Variants in SLC22A8 observed in about 807,000 individuals in gnomAD.
SLC22A8 encodes the protein organic anion transporter 3.
SLC22A8 carries 40 observed loss-of-function variants against 48.4 expected under a neutral mutation model. The ratio of observed to expected loss-of-function variants is 0.83; its 90% CI spans 0.64 to 1.08. The LOEUF is 1.08. Among genes scored for constraint, SLC22A8 ranks in the 50% least tolerant of loss-of-function variants. The pLI is 0.00. For synonymous variants in SLC22A8, 268 were observed against 286.3 expected (o/e 0.94, Z 0.65); for missense variants, 606 against 699.0 (o/e 0.87, Z 1.50).
chr11:63,010,918 G>T (rs983957954), intron 2 of SLC22A8, among the ~76,000 whole-genome samples: 3 of 152,170 alleles, frequency 2.0e-5, no homozygotes, highest in Non-Finnish European at 2.9e-5. Context: ...AGCAGTGAGC[G>T]GTGTCTACAT....
chr11:63,002,739 T>C (rs1218836417), intron 2 of SLC22A8, among the ~76,000 whole-genome samples: 1 of 152,362 alleles, frequency 6.6e-6, no homozygotes, highest in Non-Finnish European at 1.5e-5. Flanking sequence ...TTTCCAATAC[T>C]ACTGCCTTAG....
At chr11:63,008,765 A>G (rs1392071549) in intron 2 of SLC22A8, among the ~76,000 whole-genome samples, 1 of 152,212 alleles carries the variant, frequency 6.6e-6, no homozygotes, top group Admixed American at 6.5e-5. Context: ...TTCTGTAGTC[A>G]GGACCTCCCA....
chr11:63,014,271 G>A (rs1360455398), intron 2 of SLC22A8, among the ~76,000 whole-genome samples: 1 of 152,148 alleles, frequency 6.6e-6, no homozygotes, highest in African/African-American at 2.4e-5. Flanking sequence ...CTTTGAAGTT[G>A]CAATTTTACA....
chr11:63,010,925 A>G (rs11231302), intron 2 of SLC22A8, among the ~76,000 whole-genome samples: 10,640 of 152,228 alleles, frequency 0.07, 570 homozygotes, highest in African/African-American at 0.15. Flanking sequence ...AGCGGTGTCT[A>G]CATCCCTCCC....
intron 2 of SLC22A8, among the ~76,000 whole-genome samples, chr11:63,012,702 A>G (rs1240468961): frequency 6.6e-6 from 1 of 152,154 alleles, no homozygotes; most frequent in Non-Finnish European, 1.5e-5. Flanking sequence ...GTAGTAAACA[A>G]AGCAGCAGAA....
chr11:62,993,037 G>A lies in SLC22A8; in HGVS notation c.*200C>T, dbSNP rs917908315. 1.7e-6 allele frequency: 1 copy of A among 587,514 alleles called. No individual in the cohort carries two copies. Among genetic ancestry groups the A allele is most frequent in the Admixed American group, 3.0e-5 (1 of 32,894 alleles). 36.4% of individuals were successfully genotyped at this position (587,514 alleles called of 1,614,324 possible). On this transcript the variant is annotated 3_prime_UTR_variant, in exon 11 of 11. Coordinates refer to ENST00000336232, the MANE Select transcript of SLC22A8 (RefSeq NM_004254.4). ...AATGGCAGGGCCTGGGTTGCAGGGA[G>A]AACAAGGGCAGGGATGGCTGAACCT...
At chr11:62,993,398 T>C (rs2086367436) in intron 10 of SLC22A8, 26 bp downstream of exon 10, 1 of 1,613,468 alleles carries the variant, frequency 6.2e-7, no homozygotes, top group African/African-American at 1.3e-5. Context: ...GGAGGAGCAC[T>C]GATGGGGCCA....
intron 5 of SLC22A8, among the ~76,000 whole-genome samples, chr11:62,997,705 G>A (rs1370601056): frequency 2.0e-5 from 3 of 152,166 alleles, no homozygotes; most frequent in Non-Finnish European, 4.4e-5. Flanking sequence ...CCGAGCTGAG[G>A]TTCCATCCCA....
intron 8 of SLC22A8, chr11:62,994,127 T>A: frequency 3.5e-6 from 2 of 566,184 alleles, no homozygotes; most frequent in Non-Finnish European, 6.3e-6. Context: ...TCAAGTTCTT[T>A]TGGAAGGGTA....
At chr11:62,995,194 T>G in intron 7 of SLC22A8, 1 of 243,124 alleles carries the variant, frequency 4.1e-6, no homozygotes, top group Non-Finnish European at 8.1e-6. Context: ...CTGGACAAAT[T>G]GAATCCTATT....
At position 63,014,595 on chromosome 11, in the gene SLC22A8, A is replaced by G. The variant is rs201292579; in HGVS notation, c.333+31T>C. The G allele has an allele frequency of 1.7e-5, 26 of 1,539,056 alleles. No homozygotes were observed. In the East Asian group the frequency reaches 5.9e-4, roughly 35 times the overall value. ...GTGCAGGGTATGGGGGTACGTGGGT[A>G]AGTGGAGGGAGAGGGTTTGCCCAGG... On this transcript the variant is annotated intron_variant, in intron 2 of 10. Transcript: ENST00000336232.
intron 8 of SLC22A8, 116 bp from the exon 9 acceptor site, chr11:62,993,994 A>C: frequency 1.4e-6 from 1 of 701,586 alleles, no homozygotes; most frequent in South Asian, 1.6e-5. Context: ...TCAGATCCAA[A>C]CTTAAAGCTG....
intron 2 of SLC22A8, among the ~76,000 whole-genome samples, chr11:63,012,599 C>T (rs2135147482): frequency 6.6e-6 from 1 of 152,344 alleles, no homozygotes; most frequent in South Asian, 2.1e-4. Flanking sequence ...TCCCCTGGGC[C>T]TCAGAGCACT....
At chr11:63,007,350 T>A (rs557597316) in intron 2 of SLC22A8, among the ~76,000 whole-genome samples, 3 of 150,260 alleles carry the variant, frequency 2.0e-5, no homozygotes, top group Admixed American at 2.0e-4. Flanking sequence ...GTGTTCCTTT[T>A]TTTCTTACTC....
At chr11:63,001,683 C>T (rs964565940) in intron 2 of SLC22A8, among the ~76,000 whole-genome samples, 32 of 152,316 alleles carry the variant, frequency 2.1e-4, no homozygotes, top group African/African-American at 7.0e-4. Flanking sequence ...CCACTTTCCC[C>T]AGGCGATGCC....
At chr11:62,998,018 C>T (rs940547625) in intron 5 of SLC22A8, among the ~76,000 whole-genome samples, 1 of 152,154 alleles carries the variant, frequency 6.6e-6, no homozygotes, top group Non-Finnish European at 1.5e-5. Flanking sequence ...GTGGCGTGAC[C>T]TTGGCTCCCT....
chr11:63,003,964 T>A (rs1408321754), intron 2 of SLC22A8, among the ~76,000 whole-genome samples: 7 of 152,250 alleles, frequency 4.6e-5, no homozygotes, highest in Non-Finnish European at 5.9e-5. Flanking sequence ...ATTGTTGTTA[T>A]AATAACCTAG....
rs143045566 is a variant in SLC22A8, at chr11:63,012,786, G to C, written c.333+1840C>G. 1.6e-3 allele frequency among the ~76,000 whole-genome samples: 242 copies of C among 152,334 alleles called. 2 individuals are homozygous for C. Among genetic ancestry groups the C allele is most frequent in the Non-Finnish European group, 3.0e-3 (203 of 68,034 alleles). The stretch of plus-strand genomic sequence containing the variant: ...CTTGAGAGCGGGTCTGCGTCTCGCT[G>C]GTGGTGTGCTCCTGGAGGGAACGCA... On this transcript the variant is annotated intron_variant, in intron 2 of 10. Transcript: ENST00000336232.
chr11:62,998,428 C>G (rs932552606), intron 5 of SLC22A8, among the ~76,000 whole-genome samples: 2 of 152,266 alleles, frequency 1.3e-5, no homozygotes, highest in Middle Eastern at 3.4e-3. Flanking sequence ...CTCCAGCAGT[C>G]CCCAATTCTC....
Sources: gnomAD v4.1 joint callset for allele counts (sites outside exome capture counted in the v4.1 genomes callset) on GRCh38, gnomAD v4.1.1 for gene constraint, MANE v1.5 for transcripts, NCBI Gene and HGNC (gene_info 2026-07-23, HGNC 2026-07-21) for gene names.